Variants in NCAM2 observed in about 807,000 individuals in gnomAD.
The protein encoded by NCAM2 is neural cell adhesion molecule 2.
NCAM2 carries 30 observed loss-of-function variants against 98.1 expected under a neutral mutation model. That is an observed-to-expected ratio of 0.31 (90% confidence interval 0.23 to 0.41). The LOEUF (loss-of-function observed/expected upper bound fraction) is 0.41. Ranked by LOEUF, NCAM2 falls within the 10% of genes least tolerant of loss-of-function variation. The pLI, the probability that NCAM2 is intolerant of heterozygous loss-of-function variation, is 1.00. For synonymous variants in NCAM2, 368 were observed against 342.4 expected (o/e 1.07, Z -0.83); for missense variants, 867 against 1,005.8 (o/e 0.86, Z 1.87).
At position 21,160,415 on chromosome 21, in the gene NCAM2, T is replaced by C. The variant is rs1432285186; in HGVS notation, c.56-120163T>C. Among the ~76,000 whole-genome samples the C allele has an allele frequency of 3.3e-5, 5 of 152,164 alleles. No homozygotes were observed. In the East Asian group the frequency reaches 9.6e-4, roughly 29 times the overall value. ...TTACCAATTAGATTTCTAGTGAGTATTTGTGTTGTATTACAACTAAATATG... is the reference window on the plus strand; with the variant it reads ...TTACCAATTAGATTTCTAGTGAGTACTTGTGTTGTATTACAACTAAATATG... On this transcript the variant is annotated intron_variant, in intron 1 of 17. Transcript: ENST00000400546.
chr21:21,186,984 C>A (rs1230319841), intron 1 of NCAM2, among the ~76,000 whole-genome samples: 1 of 151,992 alleles, frequency 6.6e-6, no homozygotes, highest in Non-Finnish European at 1.5e-5. Context: ...AATCCCAGCA[C>A]TTTGGGAGGC....
intron 1 of NCAM2, among the ~76,000 whole-genome samples, chr21:21,190,421 A>C (rs1334136045): frequency 6.6e-6 from 1 of 152,174 alleles, no homozygotes; most frequent in Non-Finnish European, 1.5e-5. Context: ...CTTTTTATCC[A>C]GGGGCAAGAG....
chr21:21,335,154 C>G (rs2074825099), intron 6 of NCAM2, among the ~76,000 whole-genome samples: 1 of 151,984 alleles, frequency 6.6e-6, no homozygotes. Flanking sequence ...TGTATTGTCT[C>G]ACCAACATTT....
intron 1 of NCAM2, among the ~76,000 whole-genome samples, chr21:21,177,380 G>A (rs1293160089): frequency 2.6e-3 from 1 of 384 alleles, no homozygotes; most frequent in East Asian, 0.045. Flanking sequence ...CTTTAAAAGT[G>A]CATTTGCAGA....
At chr21:21,249,515 C>T (rs1227555787) in intron 1 of NCAM2, among the ~76,000 whole-genome samples, 1 of 152,108 alleles carries the variant, frequency 6.6e-6, no homozygotes, top group Non-Finnish European at 1.5e-5. Flanking sequence ...TTTCACATTT[C>T]TGAAATTTGG....
At chr21:21,255,769 G>C (rs1320036980) in intron 1 of NCAM2, among the ~76,000 whole-genome samples, 2 of 152,112 alleles carry the variant, frequency 1.3e-5, no homozygotes, top group Admixed American at 1.3e-4. Context: ...AGTTGGTATA[G>C]GCTGAGATGT....
chr21:21,133,523 G>T (rs2066978692), intron 1 of NCAM2, among the ~76,000 whole-genome samples: 3 of 152,148 alleles, frequency 2.0e-5, no homozygotes, highest in Admixed American at 2.0e-4. Context: ...AATGGGAAAA[G>T]ACCTGTAAAT....
intron 1 of NCAM2, among the ~76,000 whole-genome samples, chr21:21,266,670 A>G (rs1307262451): frequency 6.6e-6 from 1 of 151,790 alleles, no homozygotes; most frequent in Non-Finnish European, 1.5e-5. Context: ...GAATTGAACA[A>G]TGAGAACTCA....
At chr21:21,000,627 G>A (rs922990667) in intron 1 of NCAM2, among the ~76,000 whole-genome samples, 1 of 152,158 alleles carries the variant, frequency 6.6e-6, no homozygotes, top group African/African-American at 2.4e-5. Context: ...TAATGAAACA[G>A]GGTAGAAGGA....
intron 16 of NCAM2, among the ~76,000 whole-genome samples, chr21:21,520,562 C>CAA (rs934745176): frequency 1.0e-3 from 155 of 152,094 alleles, no homozygotes; most frequent in African/African-American, 3.5e-3. Flanking sequence ...CAAAACAAAC[C>CAA]AAAACAATAC....
At chr21:21,407,012 G>A (rs1273219942) in intron 9 of NCAM2, among the ~76,000 whole-genome samples, 2 of 152,076 alleles carry the variant, frequency 1.3e-5, no homozygotes, top group Non-Finnish European at 2.9e-5. Flanking sequence ...CTAACCACCA[G>A]TGTTTATTTC....
chr21:21,462,841 A>T (rs1480070230), intron 12 of NCAM2, among the ~76,000 whole-genome samples: 1 of 152,088 alleles, frequency 6.6e-6, no homozygotes, highest in Admixed American at 6.6e-5. Flanking sequence ...TTTTGGAAGA[A>T]CCGTGTTAAG....
intron 9 of NCAM2, among the ~76,000 whole-genome samples, chr21:21,380,622 T>G (rs1287900640): frequency 1.3e-5 from 2 of 152,138 alleles, no homozygotes; most frequent in African/African-American, 4.8e-5. Flanking sequence ...ATTCCTTCCT[T>G]TCTCAGAGCC....
chr21:21,268,465 T>A (rs2072368801), intron 1 of NCAM2, among the ~76,000 whole-genome samples: 1 of 152,202 alleles, frequency 6.6e-6, no homozygotes, highest in Admixed American at 6.5e-5. Flanking sequence ...TGATGCAGGA[T>A]CACTGTCTTG....
intron 5 of NCAM2, among the ~76,000 whole-genome samples, chr21:21,316,533 C>CTTTTTTTTTTTTTTTTTT (rs34341259): frequency 9.0e-6 from 1 of 110,900 alleles, no homozygotes; most frequent in Non-Finnish European, 1.7e-5. Context: ...ATCTTTTATT[C>CTTTTTTTTTTTTTTTTTT]TTTTTTTTTT....
chr21:21,193,492 C>CTTTTT (rs768928139), intron 1 of NCAM2, among the ~76,000 whole-genome samples: 14 of 123,786 alleles, frequency 1.1e-4, no homozygotes, highest in East Asian at 1.1e-3. Flanking sequence ...AGTACTTTTC[C>CTTTTT]TTTTTTTTTT....
chr21:21,224,739 T>C (rs1449030079), intron 1 of NCAM2, among the ~76,000 whole-genome samples: 3 of 152,156 alleles, frequency 2.0e-5, no homozygotes, highest in Non-Finnish European at 4.4e-5. Context: ...AAGCCTATTG[T>C]AAAATTAATA....
chr21:21,504,511 G>A (rs570480373), intron 15 of NCAM2, among the ~76,000 whole-genome samples: 2 of 151,922 alleles, frequency 1.3e-5, no homozygotes, highest in African/African-American at 2.4e-5. Flanking sequence ...ATCATTAGTA[G>A]TGCCCGAATC....
chr21:21,256,753 A>G (rs770505234), intron 1 of NCAM2, among the ~76,000 whole-genome samples: 3 of 152,226 alleles, frequency 2.0e-5, no homozygotes, highest in Non-Finnish European at 2.9e-5. Context: ...AACTACTGTT[A>G]ATGGACTTCT....
Sources: allele counts gnomAD v4.1 joint callset (sites outside exome capture counted in the v4.1 genomes callset), GRCh38; gene constraint gnomAD v4.1.1; transcripts MANE v1.5; gene names NCBI Gene and HGNC (gene_info 2026-07-23, HGNC 2026-07-21).